CDKAL1: variants seen among roughly 807,000 people sequenced by gnomAD.
CDKAL1 encodes CDKAL1 threonylcarbamoyladenosine tRNA methylthiotransferase.
Under a neutral mutation model 68.2 loss-of-function variants are expected in CDKAL1, and 32 were observed. The observed-to-expected ratio is 0.47, with a 90% confidence interval of 0.35 to 0.63. CDKAL1 has a LOEUF of 0.63. Ranked by LOEUF, CDKAL1 falls within the 30% of genes least tolerant of loss-of-function variation. CDKAL1 has a pLI of 0.00. For missense variants in CDKAL1, 606 were observed against 696.7 expected, an observed-to-expected ratio of 0.87 and a Z score of 1.47; for synonymous variants, 234 against 244.3, an observed-to-expected ratio of 0.96 and a Z score of 0.39.
chr6:21,169,935 A>G (rs997974059), intron 13 of CDKAL1, among the ~76,000 whole-genome samples: 1 of 90,742 alleles, frequency 1.1e-5, no homozygotes, highest in Non-Finnish European at 2.2e-5. Context: ...CCCCCACCCC[A>G]TGATTCAGTT....
rs572782130 is a variant in CDKAL1, at chr6:20,853,098, A to G, written c.742+6920A>G. ...CTGTGCTTCATTAAAACTGTATGAT[A>G]GACCAGTCGTGGTGGCTCACGCCTG... On this transcript the variant is annotated intron_variant, in intron 9 of 15. Transcript: ENST00000274695. Among the ~76,000 whole-genome samples, 3 of 152,340 alleles carry G rather than the reference A, an allele frequency of 2.0e-5. No homozygotes were observed. The East Asian group carries it at 5.8e-4, about 29-fold the overall frequency.
At chr6:20,837,535 G>A (rs1490578831) in intron 8 of CDKAL1, among the ~76,000 whole-genome samples, 1 of 151,856 alleles carries the variant, frequency 6.6e-6, no homozygotes, top group Non-Finnish European at 1.5e-5. Flanking sequence ...AGGTTTTTTG[G>A]TTGGTATATT....
chr6:20,584,942 A>G (rs1371140343), intron 4 of CDKAL1, among the ~76,000 whole-genome samples: 3 of 152,096 alleles, frequency 2.0e-5, no homozygotes, highest in Non-Finnish European at 4.4e-5. Context: ...TCCCCCGCCA[A>G]GGTCATTGCT....
At chr6:21,197,459 G>C (rs9465993) in intron 13 of CDKAL1, among the ~76,000 whole-genome samples, 38,957 of 152,076 alleles carry the variant, frequency 0.26, 5,829 homozygotes, top group African/African-American at 0.41. Flanking sequence ...TATATAATAA[G>C]TAAATAGCTC....
At chr6:20,572,442 T>A (rs949911865) in intron 4 of CDKAL1, among the ~76,000 whole-genome samples, 39 of 152,166 alleles carry the variant, frequency 2.6e-4, no homozygotes, top group Non-Finnish European at 2.9e-5. Context: ...CATGTCTGGA[T>A]CCAGACAGCA....
chr6:20,831,691 C>G (rs1422746769), intron 8 of CDKAL1, among the ~76,000 whole-genome samples: 1 of 152,160 alleles, frequency 6.6e-6, no homozygotes, highest in Non-Finnish European at 1.5e-5. Flanking sequence ...ATACAATCCA[C>G]TTTTTATCGC....
intron 11 of CDKAL1, among the ~76,000 whole-genome samples, chr6:21,044,305 A>G (rs1284884149): frequency 1.3e-5 from 2 of 152,152 alleles, no homozygotes; most frequent in East Asian, 3.8e-4. Flanking sequence ...TTAGCCCTCT[A>G]TTACACTCTG....
At chr6:20,771,739 T>C (rs924940166) in intron 7 of CDKAL1, among the ~76,000 whole-genome samples, 3 of 152,058 alleles carry the variant, frequency 2.0e-5, no homozygotes, top group African/African-American at 7.3e-5. Context: ...TGTGAGTTGG[T>C]TGTTTAAAAG....
chr6:20,602,565 C>T lies in CDKAL1; in HGVS notation c.287-46728C>T, dbSNP rs140270460. ...ACGTCGTGGTTAGTGGTTTATCAAC[C>T]ATCCTGAAAATGGCATAATTATAGT... On this transcript the variant is annotated intron_variant, in intron 4 of 15. Coordinates refer to ENST00000274695, the MANE Select transcript of CDKAL1 (RefSeq NM_017774.3). Among the ~76,000 whole-genome samples the T allele has an allele frequency of 4.6e-5, 7 of 152,246 alleles. No individual in the cohort carries two copies. In the East Asian group the frequency reaches 1.3e-3, roughly 29 times the overall value.
intron 10 of CDKAL1, among the ~76,000 whole-genome samples, chr6:20,961,628 G>T (rs1255550423): frequency 6.6e-6 from 1 of 152,036 alleles, no homozygotes; most frequent in South Asian, 2.1e-4. Flanking sequence ...TTAGCCGGGT[G>T]TGGTGGCGGG....
intron 13 of CDKAL1, among the ~76,000 whole-genome samples, chr6:21,130,455 C>T (rs1029267903): frequency 6.6e-6 from 1 of 152,178 alleles, no homozygotes; most frequent in African/African-American, 2.4e-5. Context: ...AAACTCCTGA[C>T]CTCAGGTGAT....
intron 11 of CDKAL1, among the ~76,000 whole-genome samples, chr6:21,027,574 T>C (rs1455353266): frequency 6.6e-6 from 1 of 152,218 alleles, no homozygotes. Context: ...AATGGATTAA[T>C]GCTGTTATCA....
rs561468279 is a variant in CDKAL1, at chr6:20,950,276, C to T, written c.743-5143C>T. Among the ~76,000 whole-genome samples the T allele has an allele frequency of 4.6e-5, 7 of 152,030 alleles. No homozygotes were observed. The East Asian group carries it at 1.2e-3, about 25-fold the overall frequency. On this transcript the variant is annotated intron_variant, in intron 9 of 15. Coordinates refer to ENST00000274695, the MANE Select transcript of CDKAL1 (RefSeq NM_017774.3). The stretch of plus-strand genomic sequence containing the variant: ...AGTAGCTGGGATTATAACCATGTGC[C>T]ACCACGCCCGGCTAATTTTGTATTT...
chr6:20,542,516 C>T lies in CDKAL1; in HGVS notation c.-5-3830C>T, dbSNP rs1215904175. Among the ~76,000 whole-genome samples the T allele has an allele frequency of 2.6e-5, 4 of 152,120 alleles. 1 individual carries two copies. Among genetic ancestry groups the T allele is most frequent in the Admixed American group, 2.6e-4 (4 of 15,266 alleles). ...ATGAGATGACCCTATAAAGGACTTG[C>T]CTTGTGTCTGGATATAGTATTAGTG... is the stretch of plus-strand genomic sequence containing the variant. On this transcript the variant is annotated intron_variant, in intron 2 of 15. Transcript: ENST00000274695.
intron 8 of CDKAL1, among the ~76,000 whole-genome samples, chr6:20,806,102 C>G (rs984720320): frequency 6.6e-6 from 1 of 152,006 alleles, no homozygotes; most frequent in Non-Finnish European, 1.5e-5. Context: ...AGTGTAGTAC[C>G]TGTTAGGTAG....
intron 13 of CDKAL1, among the ~76,000 whole-genome samples, chr6:21,171,934 A>C (rs1459263407): frequency 6.6e-6 from 1 of 152,124 alleles, no homozygotes; most frequent in African/African-American, 2.4e-5. Context: ...TTTATTTTGC[A>C]TCGATGTTCA....
chr6:20,634,831 G>GC (rs1296038505), intron 4 of CDKAL1, among the ~76,000 whole-genome samples: 1 of 152,024 alleles, frequency 6.6e-6, no homozygotes, highest in Admixed American at 6.6e-5. Context: ...TACAAAATTA[G>GC]CCAGGTATGG....
At chr6:20,602,701 C>T (rs1766157469) in intron 4 of CDKAL1, among the ~76,000 whole-genome samples, 1 of 152,178 alleles carries the variant, frequency 6.6e-6, no homozygotes, top group East Asian at 1.9e-4. Flanking sequence ...CTCCATGATT[C>T]CTCAGAGGTT....
At chr6:20,799,331 C>T (rs1484352112) in intron 8 of CDKAL1, among the ~76,000 whole-genome samples, 1 of 151,964 alleles carries the variant, frequency 6.6e-6, no homozygotes, top group African/African-American at 2.4e-5. Context: ...GGATTACAGG[C>T]GTGAGCCACC....
Sources: gnomAD v4.1 joint callset for allele counts (sites outside exome capture counted in the v4.1 genomes callset) on GRCh38, gnomAD v4.1.1 for gene constraint, MANE v1.5 for transcripts, NCBI Gene and HGNC (gene_info 2026-07-23, HGNC 2026-07-21) for gene names.